Variants in CRPPA observed in about 807,000 individuals in gnomAD.
CRPPA encodes CDP-L-ribitol pyrophosphorylase A.
CRPPA carries 43 observed loss-of-function variants against 52.0 expected under a neutral mutation model. The ratio of observed to expected loss-of-function variants is 0.83; its 90% CI spans 0.65 to 1.07. CRPPA has a LOEUF of 1.07. Among genes scored for constraint, CRPPA ranks in the 50% least tolerant of loss-of-function variants. The pLI, the probability that CRPPA is intolerant of heterozygous loss-of-function variation, is 0.00. For synonymous variants in CRPPA, 250 were observed against 203.5 expected, an observed-to-expected ratio of 1.23 and a Z score of -1.94; for missense variants, 629 against 551.7, an observed-to-expected ratio of 1.14 and a Z score of -1.40.
intron 3 of CRPPA, among the ~76,000 whole-genome samples, chr7:16,325,901 T>G (rs780092309): frequency 6.6e-5 from 10 of 152,130 alleles, no homozygotes; most frequent in Non-Finnish European, 1.3e-4. Context: ...GCATCTTGGT[T>G]ATATGTAGTA....
chr7:16,216,063 T>C lies in CRPPA; in HGVS notation c.1251+3A>G. Reference sequence around the variant, plus strand: ...ACATTCGGAAGATAAACATTTTACCTACCTGTGGGTAAGATATGAGAAGCC... The same window carrying C: ...ACATTCGGAAGATAAACATTTTACCCACCTGTGGGTAAGATATGAGAAGCC... On this transcript the variant is annotated splice_donor_region_variant and intron_variant, in intron 9 of 9. Transcript: ENST00000407010. 1 of 1,577,696 alleles carries C rather than the reference T, an allele frequency of 6.3e-7. No homozygotes were observed. The highest frequency in any genetic ancestry group is 1.2e-5 in the South Asian group (1 of 85,208).
Position 16,216,169 on chromosome 7 carries a change from G to T in CRPPA, c.1148C>A (p.Pro383His), listed in dbSNP as rs758393771. The change falls in exon 9 of 10, where the codon CCT becomes CAT. Residue 383 changes from proline to histidine, a missense_variant. Pro to His is a moderately conservative substitution (Grantham distance 77). Transcript: ENST00000407010. ...SVHFLDFKLV[P>H]PSQKMENLMQ... ...TAGGTTTTCCATTTTCTGACTGGGA[G>T]GTACTAATTTAAAATCAAGAAAATG... is the stretch of plus-strand genomic sequence containing the variant. 1.9e-6 allele frequency: 3 copies of T among 1,583,906 alleles called. No individual in the cohort carries two copies. The highest frequency in any genetic ancestry group is 2.6e-6 in the Non-Finnish European group (3 of 1,158,868).
Position 16,208,219 on chromosome 7 carries a change from G to A in CRPPA, c.1251+7847C>T, listed in dbSNP as rs74963206. Among the ~76,000 whole-genome samples, 897 of 152,230 alleles carry A rather than the reference G, an allele frequency of 5.9e-3. 9 individuals carry two copies. Among genetic ancestry groups the A allele is most frequent in the African/African-American group, 0.021 (857 of 41,536 alleles). On this transcript the variant is annotated intron_variant, in intron 9 of 9. Transcript: ENST00000407010. ...TGTCAAAAATAATTCCTTTTGTTAT[G>A]ACATGAGTTGGGATGGTGAGGAAGT...
chr7:16,364,087 T>C (rs1005632041), intron 3 of CRPPA, among the ~76,000 whole-genome samples: 4 of 152,182 alleles, frequency 2.6e-5, no homozygotes, highest in African/African-American at 9.7e-5. Flanking sequence ...CAAGATCTTT[T>C]TCAGTTATAA....
At chr7:16,115,931 T>C (rs1476875021) in intron 9 of CRPPA, among the ~76,000 whole-genome samples, 1 of 152,140 alleles carries the variant, frequency 6.6e-6, no homozygotes, top group East Asian at 1.9e-4. Flanking sequence ...AAGATCTTTA[T>C]TGGAAAATTC....
chr7:16,174,025 T>G (rs1781244685), intron 9 of CRPPA, among the ~76,000 whole-genome samples: 1 of 152,160 alleles, frequency 6.6e-6, no homozygotes, highest in Admixed American at 6.6e-5. Context: ...AAATAAATGA[T>G]AACATATATA....
intron 3 of CRPPA, among the ~76,000 whole-genome samples, chr7:16,339,651 C>G (rs746613451): frequency 6.6e-6 from 1 of 152,188 alleles, no homozygotes; most frequent in African/African-American, 2.4e-5. Context: ...AGGATTTCCC[C>G]TTTCACCATT....
intron 8 of CRPPA, among the ~76,000 whole-genome samples, chr7:16,227,568 T>C (rs1782684235): frequency 6.6e-6 from 1 of 151,886 alleles, no homozygotes; most frequent in Admixed American, 6.6e-5. Flanking sequence ...GTTTTGTTAA[T>C]ATCTTGTTTT....
intron 6 of CRPPA, among the ~76,000 whole-genome samples, chr7:16,264,969 G>A (rs1313006639): frequency 6.6e-6 from 1 of 152,146 alleles, no homozygotes; most frequent in Non-Finnish European, 1.5e-5. Flanking sequence ...TTACTCCTCA[G>A]TAAAATGAGT....
chr7:16,116,915 A>G (rs1156415173), intron 9 of CRPPA, among the ~76,000 whole-genome samples: 2 of 152,170 alleles, frequency 1.3e-5, no homozygotes, highest in East Asian at 1.9e-4. Context: ...CAGGTACCAT[A>G]CAAAGCAATC....
intron 2 of CRPPA, among the ~76,000 whole-genome samples, chr7:16,396,367 G>C (rs1295611325): frequency 6.6e-6 from 1 of 152,006 alleles, no homozygotes; most frequent in African/African-American, 2.4e-5. Context: ...CCACAATATG[G>C]TAACACCTTA....
At chr7:16,209,570 C>G (rs561763043) in intron 9 of CRPPA, among the ~76,000 whole-genome samples, 16 of 152,122 alleles carry the variant, frequency 1.1e-4, no homozygotes, top group African/African-American at 3.6e-4. Context: ...TGGCGCCCAG[C>G]CCTAAGTGTC....
chr7:16,143,601 T>C (rs1224305624), intron 9 of CRPPA, among the ~76,000 whole-genome samples: 2 of 152,206 alleles, frequency 1.3e-5, no homozygotes, highest in Admixed American at 1.3e-4. Flanking sequence ...TATTGCTCTC[T>C]GACAGGGGAA....
chr7:16,201,037 T>G (rs1361209889), intron 9 of CRPPA, among the ~76,000 whole-genome samples: 1 of 152,096 alleles, frequency 6.6e-6, no homozygotes, highest in East Asian at 1.9e-4. Context: ...TATGAATACA[T>G]AAAAATATCA....
chr7:16,189,482 C>T (rs142706262), intron 9 of CRPPA, among the ~76,000 whole-genome samples: 42 of 152,266 alleles, frequency 2.8e-4, no homozygotes, highest in African/African-American at 1.0e-3. Context: ...AGCCAGCAAG[C>T]ATCTAGATAG....
intron 9 of CRPPA, among the ~76,000 whole-genome samples, chr7:16,117,109 A>C (rs1469214057): frequency 6.6e-6 from 1 of 152,202 alleles, no homozygotes. Context: ...TTTTCCCTTA[A>C]AAAGATGTCA....
intron 1 of CRPPA, among the ~76,000 whole-genome samples, chr7:16,420,696 G>A (rs1480870592): frequency 1.3e-5 from 2 of 152,132 alleles, no homozygotes; most frequent in East Asian, 3.9e-4. Flanking sequence ...CCACGCATGC[G>A]CGGAGGCAGA....
intron 5 of CRPPA, among the ~76,000 whole-genome samples, chr7:16,286,097 A>AAAAAAAAAATATATATATATATATAT: frequency 5.1e-5 from 2 of 39,130 alleles, no homozygotes; most frequent in African/African-American, 1.8e-4. Flanking sequence ...TAAAAAAAAA[A>AAAAAAAAAATATATATATATATATAT]ATATATATAT....
intron 4 of CRPPA, among the ~76,000 whole-genome samples, chr7:16,307,718 A>T (rs1402650507): frequency 6.6e-6 from 1 of 151,368 alleles, no homozygotes; most frequent in Non-Finnish European, 1.5e-5. Context: ...GTTAGCCATT[A>T]AAAGAACTGG....
Sources: allele counts gnomAD v4.1 joint callset (sites outside exome capture counted in the v4.1 genomes callset), GRCh38; gene constraint gnomAD v4.1.1; transcripts MANE v1.5; gene names NCBI Gene and HGNC (gene_info 2026-07-23, HGNC 2026-07-21).